The following SDR42E1 variants were observed in gnomAD, a reference collection of about 807,000 sequenced individuals.
SDR42E1 encodes short chain dehydrogenase/reductase family 42E, member 1.
SDR42E1 carries 5 observed loss-of-function variants against 2.6 expected under a neutral mutation model. That is an observed-to-expected ratio of 1.94 (90% confidence interval 1.01 to 4.08). The LOEUF (loss-of-function observed/expected upper bound fraction) is 4.08. Ranked by LOEUF, SDR42E1 falls within the 30% of genes most tolerant of loss-of-function variation. The pLI is 0.00. For missense variants in SDR42E1, 596 were observed against 478.6 expected (o/e 1.25, Z -2.29); for synonymous variants, 231 against 188.3 (o/e 1.23, Z -1.86).
rs1912694759 is a variant in SDR42E1, at chr16:81,999,986, T to G, written c.307A>C (p.Thr103Pro). ...NLIKEVNVRGTDNILQVCQRR... is the reference protein window; with the variant it reads ...NLIKEVNVRGPDNILQVCQRR... The stretch of plus-strand genomic sequence containing the variant: ...TGGCAAACCTGGAGGATGTTGTCTG[T>G]GCCCCTGACGTTGACTTCTTTGATC... Residue 103 changes from threonine (T) to proline (P), a missense_variant, in exon 3 of 3, where the codon ACA becomes CCA. Coordinates refer to ENST00000328945, the MANE Select transcript of SDR42E1 (RefSeq NM_145168.3). 6.2e-7 allele frequency: 1 copy of G among 1,614,206 alleles called. No homozygotes were observed. Among genetic ancestry groups the G allele is most frequent in the Non-Finnish European group, 8.5e-7 (1 of 1,180,030 alleles).
rs1041142053 is a variant in SDR42E1, at chr16:81,989,067, T to A, written c.*10044A>T. ...CTTATATATAGGGTGATCGTACAAT[T>A]TATTATACAAAATGGGACATACCTG... On this transcript the variant is annotated 3_prime_UTR_variant, in exon 3 of 3. Transcript: ENST00000328945. 12 of 152,162 alleles carry A rather than the reference T, an allele frequency of 7.9e-5. No homozygotes were observed. Among genetic ancestry groups the A allele is most frequent in the Admixed American group, 7.9e-4 (12 of 15,270 alleles). 9.4% of individuals were successfully genotyped at this position (152,162 alleles called of 1,614,324 possible). A position where few individuals can be genotyped will look rare whatever the true frequency, so the allele number is the denominator to read the frequency against.
At position 81,994,126 on chromosome 16, in the gene SDR42E1, A is replaced by G. The variant is rs1460111077; in HGVS notation, c.*4985T>C. On this transcript the variant is annotated 3_prime_UTR_variant, in exon 3 of 3. Coordinates refer to ENST00000328945, the MANE Select transcript of SDR42E1 (RefSeq NM_145168.3). ...ATCGAACTTAAAGGACCTTAAGCAG[A>G]AAAGAAAGTGAACTGAAGACTCACG... 6.6e-6 allele frequency: 1 copy of G among 152,198 alleles called. No individual in the cohort carries two copies. The highest frequency in any genetic ancestry group is 2.4e-5 in the African/African-American group (1 of 41,438). The allele number at this position is 152,198 out of a possible 1,614,324, so 9.4% of individuals were successfully genotyped here.
rs536185013 is a variant in SDR42E1 at position 81,999,920 on chromosome 16, T to C, written c.373A>G (p.Asn125Asp). The C allele has an allele frequency of 1.9e-5, 30 of 1,614,186 alleles. No individual in the cohort carries two copies. The East Asian group carries it at 6.0e-4, about 32-fold the overall frequency. ...ATAACTTGACCTCCAAAGATGACATTGAAAGTGCTGGTGTAAACTAACCTG... is the reference window on the plus strand; with the variant it reads ...ATAACTTGACCTCCAAAGATGACATCGAAAGTGCTGGTGTAAACTAACCTG... ...VPRLVYTSTF[N>D]VIFGGQVIRN... The change falls in exon 3 of 3, where the codon AAT becomes GAT. Residue 125 changes from asparagine to aspartate, a missense_variant. Coordinates refer to ENST00000328945, the MANE Select transcript of SDR42E1 (RefSeq NM_145168.3).
rs188413394 is a variant in SDR42E1 at position 81,997,715 on chromosome 16, T to C, written c.*1396A>G. 4 of 152,290 alleles carry C rather than the reference T, an allele frequency of 2.6e-5. No individual in the cohort carries two copies. The highest frequency in any genetic ancestry group is 2.0e-4 in the Admixed American group (3 of 15,304). 9.4% of individuals were successfully genotyped at this position (152,290 alleles called of 1,614,324 possible). ...CTTGCTTTATGCTCCCAGTGAACCC[T>C]ATGGGGTGGGTGGGTTTATACAAAG... On this transcript the variant is annotated 3_prime_UTR_variant, in exon 3 of 3. Coordinates refer to ENST00000328945, the MANE Select transcript of SDR42E1 (RefSeq NM_145168.3).
intron 1 of SDR42E1, among the ~76,000 whole-genome samples, chr16:82,008,831 G>A (rs983052318): frequency 6.6e-6 from 1 of 152,166 alleles, no homozygotes; most frequent in Admixed American, 6.5e-5. Flanking sequence ...ATGTCTCCAG[G>A]GCATGTCAGA....
chr16:82,004,890 G>C (rs1015512635), intron 1 of SDR42E1, among the ~76,000 whole-genome samples: 7 of 152,218 alleles, frequency 4.6e-5, no homozygotes, highest in Non-Finnish European at 8.8e-5. Flanking sequence ...AACTGCAGGA[G>C]GTGGCAGCGT....
chr16:81,999,410 CT>C lies in SDR42E1; in HGVS notation c.882del (p.Glu295ArgfsTer33), dbSNP rs766346239. On this transcript the variant is annotated frameshift_variant, in exon 3 of 3. Coordinates refer to ENST00000328945, the MANE Select transcript of SDR42E1 (RefSeq NM_145168.3). LOFTEE classifies it low-confidence loss of function (END_TRUNC). ...LTLVYCFAFLTEMVHFILGRL... is the reference protein window; with the variant it reads ...LTLVYCFAFLXEMVHFILGRL... ...CGACCCAAAATGAAGTGAACCATCT[CT>C]GTTAGAAAAGCAAAGCAGTAGACCA... 13 of 1,614,214 alleles carry C rather than the reference CT, an allele frequency of 8.1e-6. No homozygotes were observed. In the Admixed American group the frequency reaches 2.0e-4, roughly 25 times the overall value.
rs1912645061 is a variant in SDR42E1, at chr16:81,999,285, A to C, written c.1008T>G (p.Tyr336Ter). The C allele has an allele frequency of 1.2e-6, 2 of 1,614,234 alleles. No individual in the cohort carries two copies. Among genetic ancestry groups the C allele is most frequent in the Non-Finnish European group, 1.7e-6 (2 of 1,180,036 alleles). The change falls in exon 3 of 3, where the codon TAT becomes TAG. Residue 336 changes from tyrosine (Y) to a stop codon, truncating the protein, a stop_gained. Coordinates refer to ENST00000328945, the MANE Select transcript of SDR42E1 (RefSeq NM_145168.3). LOFTEE classifies it low-confidence loss of function (END_TRUNC). ...SLEKAKKELG[Y>*]KAQPFDLQEA... is the part of the protein sequence containing the mutation. Reference sequence around the variant, plus strand: ...CCTGGAGGTCAAATGGCTGAGCCTTATAACCTAGCTCTTTCTTGGCTTTCT... The same window carrying C: ...CCTGGAGGTCAAATGGCTGAGCCTTCTAACCTAGCTCTTTCTTGGCTTTCT...
intron 1 of SDR42E1, among the ~76,000 whole-genome samples, chr16:82,008,976 G>A (rs997696357): frequency 6.6e-6 from 1 of 152,214 alleles, no homozygotes; most frequent in African/African-American, 2.4e-5. Context: ...TGCTCCAGCT[G>A]TGGCTAAAAC....
intron 1 of SDR42E1, among the ~76,000 whole-genome samples, chr16:82,006,134 AT>A (rs1248849459): frequency 6.6e-6 from 1 of 152,218 alleles, no homozygotes; most frequent in Non-Finnish European, 1.5e-5. Flanking sequence ...TGTCATTAGC[AT>A]TTCACCAATA....
At position 81,993,082 on chromosome 16, in the gene SDR42E1, G is replaced by C. The variant is rs1396501630; in HGVS notation, c.*6029C>G. The C allele has an allele frequency of 6.6e-6, 1 of 152,196 alleles. No homozygotes were observed. Among genetic ancestry groups the C allele is most frequent in the African/African-American group, 2.4e-5 (1 of 41,448 alleles). 9.4% of individuals were successfully genotyped at this position (152,196 alleles called of 1,614,324 possible). A position where few individuals can be genotyped will look rare whatever the true frequency, so the allele number is the denominator to read the frequency against. On this transcript the variant is annotated 3_prime_UTR_variant, in exon 3 of 3. Transcript: ENST00000328945. ...TCAGCACTGGGACGTAGCAGTGCTTGTCTGTGTCAACAAAGAACTGGGCCC... is the reference window on the plus strand; with the variant it reads ...TCAGCACTGGGACGTAGCAGTGCTTCTCTGTGTCAACAAAGAACTGGGCCC...
rs1047972789 is a variant in SDR42E1 at position 81,995,872 on chromosome 16, G to A, written c.*3239C>T. The A allele has an allele frequency of 1.3e-5, 2 of 152,262 alleles. No individual in the cohort carries two copies. Among genetic ancestry groups the A allele is most frequent in the East Asian group, 3.9e-4 (2 of 5,190 alleles). 9.4% of individuals were successfully genotyped at this position (152,262 alleles called of 1,614,324 possible). ...TTATGAGCAATGCTATAAAAGAAAGGCAGGAAGCTATGACAGGCCTGTAGC... is the reference window on the plus strand; with the variant it reads ...TTATGAGCAATGCTATAAAAGAAAGACAGGAAGCTATGACAGGCCTGTAGC... On this transcript the variant is annotated 3_prime_UTR_variant, in exon 3 of 3. Coordinates refer to ENST00000328945, the MANE Select transcript of SDR42E1 (RefSeq NM_145168.3).
chr16:82,002,606 T>C (rs1912804830), intron 1 of SDR42E1, among the ~76,000 whole-genome samples: 1 of 152,132 alleles, frequency 6.6e-6, no homozygotes. Context: ...TGCCCAAGCT[T>C]ACCTGGATTC....
In SDR42E1 at chr16:81,991,481, C is replaced by G. The variant is rs1912427183; in HGVS notation, c.*7630G>C. The G allele has an allele frequency of 6.6e-6, 1 of 152,064 alleles. No individual in the cohort carries two copies. Among genetic ancestry groups the G allele is most frequent in the Non-Finnish European group, 1.5e-5 (1 of 68,068 alleles). The allele number at this position is 152,064 out of a possible 1,614,324, so 9.4% of individuals were successfully genotyped here. Reference sequence around the variant, plus strand: ...CCTGTAATCCCAGCACTTTGGGAGGCCGAGGCAAGAGGATTGCTTGGGGCA... The same window carrying G: ...CCTGTAATCCCAGCACTTTGGGAGGGCGAGGCAAGAGGATTGCTTGGGGCA... On this transcript the variant is annotated 3_prime_UTR_variant, in exon 3 of 3. Coordinates refer to ENST00000328945, the MANE Select transcript of SDR42E1 (RefSeq NM_145168.3).
Position 81,994,497 on chromosome 16 carries a change from G to A in SDR42E1, c.*4614C>T, listed in dbSNP as rs1362729586. On this transcript the variant is annotated 3_prime_UTR_variant, in exon 3 of 3. Transcript: ENST00000328945. ...GTGAGCGGTCAGGCCTGCATGTGGA[G>A]GTCAGCCCCACGAAAGGGCTGGGAG... 1 of 152,238 alleles carries A rather than the reference G, an allele frequency of 6.6e-6. No homozygotes were observed. The highest frequency in any genetic ancestry group is 1.5e-5 in the Non-Finnish European group (1 of 68,082). The allele number at this position is 152,238 out of a possible 1,614,324, so 9.4% of individuals were successfully genotyped here.
In SDR42E1 at chr16:81,990,349, G is replaced by C. The variant is rs1323580807; in HGVS notation, c.*8762C>G. ...TAAATAAACTAATACCTGTTATATG[G>C]CAGGAAATCAATGAAACATTTTCAC... On this transcript the variant is annotated 3_prime_UTR_variant, in exon 3 of 3. Transcript: ENST00000328945. The C allele has an allele frequency of 6.6e-6, 1 of 152,192 alleles. No individual in the cohort carries two copies. Among genetic ancestry groups the C allele is most frequent in the Non-Finnish European group, 1.5e-5 (1 of 68,048 alleles). The allele number at this position is 152,192 out of a possible 1,614,324, so 9.4% of individuals were successfully genotyped here. A position where few individuals can be genotyped will look rare whatever the true frequency, so the allele number is the denominator to read the frequency against.
In SDR42E1 at chr16:81,994,848, C is replaced by A. The variant is rs1250744300; in HGVS notation, c.*4263G>T. On this transcript the variant is annotated 3_prime_UTR_variant, in exon 3 of 3. Transcript: ENST00000328945. Reference sequence around the variant, plus strand: ...CAAAGCAACACTTGCCTCTTTTATACACCATGTTAGATGGTTGAGGAAAAT... The same window carrying A: ...CAAAGCAACACTTGCCTCTTTTATAAACCATGTTAGATGGTTGAGGAAAAT... 6.6e-6 allele frequency: 1 copy of A among 152,222 alleles called. No individual in the cohort carries two copies. The highest frequency in any genetic ancestry group is 2.4e-5 in the African/African-American group (1 of 41,452). The allele number at this position is 152,222 out of a possible 1,614,324, so 9.4% of individuals were successfully genotyped here.
At position 81,992,092 on chromosome 16, in the gene SDR42E1, G is replaced by A. The variant is rs1471193123; in HGVS notation, c.*7019C>T. ...AATCGCTTGAACCCAGGAGGTGGAGGTTGCAGTGAGCTGAGATCACGCCAT... is the reference window on the plus strand; with the variant it reads ...AATCGCTTGAACCCAGGAGGTGGAGATTGCAGTGAGCTGAGATCACGCCAT... On this transcript the variant is annotated 3_prime_UTR_variant, in exon 3 of 3. Transcript: ENST00000328945. 1 of 152,102 alleles carries A rather than the reference G, an allele frequency of 6.6e-6. No homozygotes were observed. Among genetic ancestry groups the A allele is most frequent in the African/African-American group, 2.4e-5 (1 of 41,334 alleles). 9.4% of individuals were successfully genotyped at this position (152,102 alleles called of 1,614,324 possible). A position where few individuals can be genotyped will look rare whatever the true frequency, so the allele number is the denominator to read the frequency against.
chr16:82,010,583 T>C (rs1252040717), intron 1 of SDR42E1, among the ~76,000 whole-genome samples: 2 of 152,226 alleles, frequency 1.3e-5, no homozygotes, highest in Non-Finnish European at 2.9e-5. Flanking sequence ...ATTGCTTCCT[T>C]TGGAGAGGCT....
Sources: allele counts gnomAD v4.1 joint callset (sites outside exome capture counted in the v4.1 genomes callset), GRCh38; gene constraint gnomAD v4.1.1; transcripts MANE v1.5; gene names NCBI Gene and HGNC (gene_info 2026-07-23, HGNC 2026-07-21).